The following ZBTB20 variants were observed in gnomAD, a reference collection of about 807,000 sequenced individuals.
ZBTB20 encodes zinc finger and BTB domain containing 20.
A neutral mutation model predicts 56.9 loss-of-function variants in ZBTB20; 9 were observed. The observed-to-expected ratio is 0.16, with a 90% CI of 0.10 to 0.28. The LOEUF (loss-of-function observed/expected upper bound fraction) is 0.28, where lower values mean the gene tolerates loss of function less well. Among genes scored for constraint, ZBTB20 ranks in the 10% least tolerant of loss-of-function variants. ZBTB20 has a pLI of 1.00. For missense variants in ZBTB20, 655 were observed against 1,003.0 expected, an observed-to-expected ratio of 0.65 and a Z score of 4.69; for synonymous variants, 417 against 420.7, an observed-to-expected ratio of 0.99 and a Z score of 0.11.
At chr3:115,143,054 A>G (rs2084863461) in intron 1 of ZBTB20, among the ~76,000 whole-genome samples, 1 of 152,226 alleles carries the variant, frequency 6.6e-6, no homozygotes, top group African/African-American at 2.4e-5. Flanking sequence ...AGAACTATGA[A>G]CTAGGTTTTG....
chr3:115,063,392 A>G (rs2082081654), intron 2 of ZBTB20, among the ~76,000 whole-genome samples: 1 of 152,164 alleles, frequency 6.6e-6, no homozygotes, highest in Non-Finnish European at 1.5e-5. Flanking sequence ...TGGTTTGCAT[A>G]TAGTAGTCTT....
At chr3:114,380,535 G>T in intron 9 of ZBTB20, 131 bp from the exon 10 acceptor site, 1 of 1,246,954 alleles carries the variant, frequency 8.0e-7, no homozygotes, top group Non-Finnish European at 1.1e-6. Flanking sequence ...TATGTCCCTT[G>T]TTTTAAAACA....
intron 1 of ZBTB20, among the ~76,000 whole-genome samples, chr3:115,138,680 T>G (rs1386019574): frequency 6.6e-6 from 1 of 152,024 alleles, no homozygotes; most frequent in Non-Finnish European, 1.5e-5. Flanking sequence ...ATCTTTAAAA[T>G]TGGGATAATA....
At chr3:115,031,767 T>C (rs1455393508) in intron 2 of ZBTB20, among the ~76,000 whole-genome samples, 1 of 151,480 alleles carries the variant, frequency 6.6e-6, no homozygotes, top group Non-Finnish European at 1.5e-5. Flanking sequence ...GCACAGGAAA[T>C]CATTTAGTGT....
chr3:114,980,988 T>A (rs548486536), intron 2 of ZBTB20, among the ~76,000 whole-genome samples: 2 of 152,180 alleles, frequency 1.3e-5, no homozygotes, highest in Middle Eastern at 3.4e-3. Flanking sequence ...TAGGGAATTA[T>A]AATTTTATCT....
chr3:114,921,421 C>G (rs988429563), intron 3 of ZBTB20, among the ~76,000 whole-genome samples: 1 of 152,062 alleles, frequency 6.6e-6, no homozygotes, highest in African/African-American at 2.4e-5. Context: ...CCGTGCCTGG[C>G]AAAAGAACTA....
intron 7 of ZBTB20, among the ~76,000 whole-genome samples, chr3:114,434,918 A>G (rs2090411668): frequency 6.6e-6 from 1 of 152,172 alleles, no homozygotes; most frequent in South Asian, 2.1e-4. Flanking sequence ...AGTGAGGTGT[A>G]GTAGGACACA....
intron 10 of ZBTB20, among the ~76,000 whole-genome samples, chr3:114,373,998 G>A (rs1207689928): frequency 1.3e-5 from 2 of 152,084 alleles, no homozygotes; most frequent in Non-Finnish European, 2.9e-5. Context: ...GTCCCCAAAT[G>A]CACAAAGTGG....
intron 2 of ZBTB20, among the ~76,000 whole-genome samples, chr3:115,002,960 G>C (rs1458091649): frequency 6.6e-6 from 1 of 151,580 alleles, no homozygotes; most frequent in African/African-American, 2.4e-5. Flanking sequence ...CCATACAATG[G>C]AAGATTATTC....
At chr3:114,764,109 T>G (rs1430574939) in intron 5 of ZBTB20, among the ~76,000 whole-genome samples, 1 of 152,120 alleles carries the variant, frequency 6.6e-6, no homozygotes, top group Non-Finnish European at 1.5e-5. Flanking sequence ...ACACATAAAA[T>G]AAAATGTATT....
intron 7 of ZBTB20, among the ~76,000 whole-genome samples, chr3:114,452,162 T>C (rs1424290207): frequency 3.3e-5 from 5 of 151,664 alleles, no homozygotes; most frequent in Admixed American, 6.6e-5. Context: ...GGAGAAAAAA[T>C]AGAACACAAG....
At chr3:114,385,536 G>A (rs1187115072) in intron 8 of ZBTB20, among the ~76,000 whole-genome samples, 1 of 152,220 alleles carries the variant, frequency 6.6e-6, no homozygotes, top group Non-Finnish European at 1.5e-5. Context: ...CTCTCATAGG[G>A]ATTGTTAGTT....
rs192120506 is a variant in ZBTB20, at chr3:114,593,282, G to A, written c.-294-92891C>T. On this transcript the variant is annotated intron_variant, in intron 6 of 11. Transcript: ENST00000675478. ...TGGCAAGTAGATTTTTCAATAAGGCGGGGTGGGAATCACTATAAATTCATA... is the reference window on the plus strand; with the variant it reads ...TGGCAAGTAGATTTTTCAATAAGGCAGGGTGGGAATCACTATAAATTCATA... Among the ~76,000 whole-genome samples the A allele has an allele frequency of 1.8e-3, 272 of 152,206 alleles. 1 individual carries two copies. The highest frequency in any genetic ancestry group is 5.6e-3 in the African/African-American group (232 of 41,540).
chr3:114,536,886 G>A (rs1384805405), intron 6 of ZBTB20, among the ~76,000 whole-genome samples: 2 of 152,026 alleles, frequency 1.3e-5, no homozygotes, highest in Non-Finnish European at 2.9e-5. Flanking sequence ...CAAGAAAAGG[G>A]GAAAAGATTC....
At chr3:114,629,307 C>T (rs568644559) in intron 6 of ZBTB20, among the ~76,000 whole-genome samples, 3 of 152,172 alleles carry the variant, frequency 2.0e-5, no homozygotes, top group African/African-American at 7.2e-5. Context: ...TGAGGATTTT[C>T]TCAGTTCTCA....
At chr3:114,935,090 G>A (rs1296135868) in intron 3 of ZBTB20, among the ~76,000 whole-genome samples, 1 of 152,130 alleles carries the variant, frequency 6.6e-6, no homozygotes, top group East Asian at 1.9e-4. Flanking sequence ...TTTGGGTCAT[G>A]GTAACTTCTA....
At chr3:114,485,674 A>T (rs2042035836) in intron 7 of ZBTB20, among the ~76,000 whole-genome samples, 2 of 152,176 alleles carry the variant, frequency 1.3e-5, no homozygotes, top group African/African-American at 4.8e-5. Flanking sequence ...GAAGTGATTA[A>T]ATCATGAAGG....
intron 4 of ZBTB20, among the ~76,000 whole-genome samples, chr3:114,864,974 A>G (rs1170183976): frequency 6.6e-6 from 1 of 152,112 alleles, no homozygotes; most frequent in Non-Finnish European, 1.5e-5. Context: ...GAAGAGTAAT[A>G]TACACATTAT....
At chr3:114,675,665 A>G (rs890053937) in intron 6 of ZBTB20, among the ~76,000 whole-genome samples, 1 of 152,174 alleles carries the variant, frequency 6.6e-6, no homozygotes, top group Non-Finnish European at 1.5e-5. Flanking sequence ...ATACAATGGA[A>G]TGCTCTGAAT....
Sources: allele counts gnomAD v4.1 joint callset (sites outside exome capture counted in the v4.1 genomes callset), GRCh38; gene constraint gnomAD v4.1.1; transcripts MANE v1.5; gene names NCBI Gene and HGNC (gene_info 2026-07-23, HGNC 2026-07-21).